PARD6G: variants seen among roughly 807,000 people sequenced by gnomAD.
PARD6G encodes partitioning defective 6 homolog gamma.
Under a neutral mutation model 10.7 loss-of-function variants are expected in PARD6G, and 7 were observed. The ratio of observed to expected loss-of-function variants is 0.66; its 90% CI spans 0.37 to 1.23. The LOEUF is 1.23. Ranked by LOEUF, PARD6G falls within the 50% of genes most tolerant of loss-of-function variation. PARD6G has a pLI of 0.02. For missense variants in PARD6G, 548 were observed against 571.8 expected (o/e 0.96, Z 0.42); for synonymous variants, 287 against 269.4 (o/e 1.07, Z -0.64).
At chr18:80,171,562 AAT>A (rs2052777243) in intron 2 of PARD6G, 1 of 152,294 alleles carries the variant, frequency 6.6e-6, no homozygotes, top group South Asian at 2.1e-4. Flanking sequence ...GCGTGTTCAC[AAT>A]AGAGTGGAAC....
intron 2 of PARD6G, chr18:80,162,489 G>A (rs2052707249): frequency 5.9e-6 from 1 of 169,158 alleles, no homozygotes. Flanking sequence ...ACACGTACAT[G>A]TGGCTATGGT....
chr18:80,190,137 T>C (rs1183703751), intron 2 of PARD6G, among the ~76,000 whole-genome samples: 3 of 152,198 alleles, frequency 2.0e-5, no homozygotes, highest in Admixed American at 1.3e-4. Context: ...TCTCCTTTTA[T>C]TATAAGGGTC....
At chr18:80,193,162 A>C (rs1007624435) in intron 2 of PARD6G, among the ~76,000 whole-genome samples, 7 of 151,948 alleles carry the variant, frequency 4.6e-5, no homozygotes, top group African/African-American at 1.7e-4. Context: ...CTCGCTCCTG[A>C]CCCTGACGTC....
rs1246830414 is a variant in PARD6G at position 80,247,055 on chromosome 18, C to T, written c.72+222G>A. On this transcript the variant is annotated intron_variant, in intron 1 of 2. Coordinates refer to ENST00000353265, the MANE Select transcript of PARD6G (RefSeq NM_032510.4). The surrounding 1 kb of genome is among the most constrained non-coding windows in gnomAD (Gnocchi z 4.2). The stretch of plus-strand genomic sequence containing the variant: ...CCCGGACTGTCCGATGGCCCTCGGC[C>T]CTCTGAGCGCCGCGGCTGCCGGGCT... Among the ~76,000 whole-genome samples, 1 of 152,076 alleles carries T rather than the reference C, an allele frequency of 6.6e-6. No homozygotes were observed. Among genetic ancestry groups the T allele is most frequent in the African/African-American group, 2.4e-5 (1 of 41,424 alleles).
At chr18:80,244,110 G>A (rs531878566) in intron 1 of PARD6G, among the ~76,000 whole-genome samples, 1 of 152,056 alleles carries the variant, frequency 6.6e-6, no homozygotes, top group South Asian at 2.1e-4. Flanking sequence ...AACCCCTTCC[G>A]ATCCCAGCAC....
rs116101735 is a variant in PARD6G at position 80,218,541 on chromosome 18, C to A, written c.73-15609G>T. ...TCTGCCCCTGTGGCTTTGTCAGGTA[C>A]GGCTCCCCTCCTGGTTGCTTTCATG... On this transcript the variant is annotated intron_variant, in intron 1 of 2. Coordinates refer to ENST00000353265, the MANE Select transcript of PARD6G (RefSeq NM_032510.4). 4.2e-3 allele frequency among the ~76,000 whole-genome samples: 643 copies of A among 152,282 alleles called. 3 individuals carry two copies. Among genetic ancestry groups the A allele is most frequent in the African/African-American group, 0.014 (581 of 41,552 alleles).
chr18:80,216,629 A>C (rs2145290928), intron 1 of PARD6G, among the ~76,000 whole-genome samples: 1 of 152,288 alleles, frequency 6.6e-6, no homozygotes, highest in East Asian at 1.9e-4. Flanking sequence ...AGTGTTGAAA[A>C]GGAAATGTAC....
intron 1 of PARD6G, among the ~76,000 whole-genome samples, chr18:80,210,549 T>C (rs536622449): frequency 3.3e-4 from 51 of 152,274 alleles, no homozygotes; most frequent in Non-Finnish European, 6.2e-4. Flanking sequence ...GCCCTTCTCA[T>C]AGGGTCAAGT....
chr18:80,220,739 T>A (rs1264016570), intron 1 of PARD6G, among the ~76,000 whole-genome samples: 1 of 152,082 alleles, frequency 6.6e-6, no homozygotes, highest in Non-Finnish European at 1.5e-5. Flanking sequence ...GCCTCCCAAG[T>A]AGCTGGCATT....
At chr18:80,245,113 C>G (rs1397247864) in intron 1 of PARD6G, among the ~76,000 whole-genome samples, 1 of 152,196 alleles carries the variant, frequency 6.6e-6, no homozygotes, top group Non-Finnish European at 1.5e-5. Context: ...AGCACCCCTT[C>G]TTTGCCAAGT....
rs1020410845 is a variant in PARD6G at position 80,200,296 on chromosome 18, C to A, written c.295+2414G>T. ...AGGGTGCCTGACTGTGCACCGGAAA[C>A]AACTGCCCCTGACTGCCACCTGGAA... On this transcript the variant is annotated intron_variant, in intron 2 of 2. Coordinates refer to ENST00000353265, the MANE Select transcript of PARD6G (RefSeq NM_032510.4). The surrounding 1 kb of genome is among the most constrained non-coding windows in gnomAD (Gnocchi z 4.4). 2.6e-5 allele frequency among the ~76,000 whole-genome samples: 4 copies of A among 152,208 alleles called. No homozygotes were observed. Among genetic ancestry groups the A allele is most frequent in the African/African-American group, 7.2e-5 (3 of 41,458 alleles).
chr18:80,236,633 T>C (rs1222556995), intron 1 of PARD6G, among the ~76,000 whole-genome samples: 1 of 152,206 alleles, frequency 6.6e-6, no homozygotes, highest in Non-Finnish European at 1.5e-5. Context: ...CTCCTTAAGC[T>C]GATAAGCAAC....
rs528318792 is a variant in PARD6G at position 80,199,203 on chromosome 18, G to C, written c.295+3507C>G. Among the ~76,000 whole-genome samples, 7 of 152,286 alleles carry C rather than the reference G, an allele frequency of 4.6e-5. No homozygotes were observed. The South Asian group carries it at 1.4e-3, about 32-fold the overall frequency. ...AGGGTTAGGTTCCTGTTAGCCTCTG[G>C]TCACAACATTTCATCAATACACAGT... On this transcript the variant is annotated intron_variant, in intron 2 of 2. Coordinates refer to ENST00000353265, the MANE Select transcript of PARD6G (RefSeq NM_032510.4).
intron 1 of PARD6G, among the ~76,000 whole-genome samples, chr18:80,243,632 C>T (rs927355747): frequency 2.6e-5 from 4 of 152,058 alleles, no homozygotes; most frequent in Non-Finnish European, 4.4e-5. Flanking sequence ...CAATCTGTGC[C>T]GAACATAACT....
At chr18:80,214,987 A>G (rs907222007) in intron 1 of PARD6G, among the ~76,000 whole-genome samples, 1 of 151,630 alleles carries the variant, frequency 6.6e-6, no homozygotes, top group Non-Finnish European at 1.5e-5. Context: ...CCTCTTGTAT[A>G]AGAGATCATC....
At chr18:80,166,093 T>C (rs1202050425) in intron 2 of PARD6G, among the ~76,000 whole-genome samples, 3 of 152,042 alleles carry the variant, frequency 2.0e-5, no homozygotes, top group African/African-American at 7.2e-5. Context: ...AAAAAAATTA[T>C]CATTTCCGCT....
rs1447959525 is a variant in PARD6G, at chr18:80,192,629, C to T, written c.295+10081G>A. ...GGACCTGTGTGGGGCTGTCATGACACATTGAAGGGTACACTGTACTTTCTG... is the reference window on the plus strand; with the variant it reads ...GGACCTGTGTGGGGCTGTCATGACATATTGAAGGGTACACTGTACTTTCTG... On this transcript the variant is annotated intron_variant, in intron 2 of 2. Coordinates refer to ENST00000353265, the MANE Select transcript of PARD6G (RefSeq NM_032510.4). The surrounding 1 kb of genome is among the most constrained non-coding windows in gnomAD (Gnocchi z 4.9). 6.6e-6 allele frequency among the ~76,000 whole-genome samples: 1 copy of T among 152,174 alleles called. No homozygotes were observed. The highest frequency in any genetic ancestry group is 1.5e-5 in the Non-Finnish European group (1 of 68,034).
chr18:80,159,560 A>G lies in PARD6G; in HGVS notation c.*211T>C, dbSNP rs2145236960. ...CAAGACCTGCACTCAGGCCTGGTAT[A>G]GAGTGTCTCTACAGGCGTTCATTTT... On this transcript the variant is annotated 3_prime_UTR_variant, in exon 3 of 3. Coordinates refer to ENST00000353265, the MANE Select transcript of PARD6G (RefSeq NM_032510.4). 1 of 681,828 alleles carries G rather than the reference A, an allele frequency of 1.5e-6. No individual in the cohort carries two copies. The highest frequency in any genetic ancestry group is 2.1e-6 in the Non-Finnish European group (1 of 481,832). The allele number at this position is 681,828 out of a possible 1,614,324, so 42.2% of individuals were successfully genotyped here.
At chr18:80,227,317 A>C (rs573957649) in intron 1 of PARD6G, among the ~76,000 whole-genome samples, 1 of 152,274 alleles carries the variant, frequency 6.6e-6, no homozygotes, top group East Asian at 1.9e-4. Flanking sequence ...ATGTCACAAA[A>C]CAGAAAGACA....
Sources: gnomAD v4.1 joint callset for allele counts (sites outside exome capture counted in the v4.1 genomes callset) on GRCh38, gnomAD v4.1.1 for gene constraint, Gnocchi (gnomAD v3.1) non-coding constraint, MANE v1.5 for transcripts, NCBI Gene and HGNC (gene_info 2026-07-23, HGNC 2026-07-21) for gene names.